Variants in APBA2 observed in about 807,000 individuals in gnomAD.
APBA2 encodes amyloid beta precursor protein binding family A member 2.
In APBA2, 30 loss-of-function variants were observed where a neutral mutation model predicts 75.0. The ratio of observed to expected loss-of-function variants is 0.40; its 90% CI spans 0.30 to 0.54. The LOEUF (loss-of-function observed/expected upper bound fraction) is 0.54. Among genes scored for constraint, APBA2 ranks in the 20% least tolerant of loss-of-function variants. APBA2 has a pLI of 0.49. For missense variants in APBA2, 801 were observed against 1,016.1 expected (o/e 0.79, Z 2.88); for synonymous variants, 444 against 409.6 (o/e 1.08, Z -1.01).
At chr15:28,945,460 G>T (rs1281607180) in intron 2 of APBA2, among the ~76,000 whole-genome samples, 1 of 151,868 alleles carries the variant, frequency 6.6e-6, no homozygotes, top group African/African-American at 2.4e-5. Flanking sequence ...GAGAAGTGCA[G>T]TTTTGTGTGT....
chr15:28,996,181 T>C (rs1205194760), intron 3 of APBA2, among the ~76,000 whole-genome samples: 3 of 152,206 alleles, frequency 2.0e-5, no homozygotes, highest in Non-Finnish European at 4.4e-5. Flanking sequence ...CCTAGGTTCC[T>C]AGTTACAGCG....
chr15:28,973,026 C>T (rs1181974845), intron 2 of APBA2, among the ~76,000 whole-genome samples: 1 of 152,158 alleles, frequency 6.6e-6, no homozygotes, highest in Non-Finnish European at 1.5e-5. Flanking sequence ...GGAGAACTCC[C>T]AAGTATACGA....
At chr15:28,896,333 G>A (rs1176298894) in intron 1 of APBA2, among the ~76,000 whole-genome samples, 4 of 152,188 alleles carry the variant, frequency 2.6e-5, no homozygotes, top group Non-Finnish European at 5.9e-5. Context: ...AGACTGGAGT[G>A]CAGTGGCACG....
In APBA2 at chr15:29,026,534, C is replaced by A. The variant is rs2040230408; in HGVS notation, c.-40-27311C>A. On this transcript the variant is annotated intron_variant, in intron 3 of 14. Coordinates refer to ENST00000683413, the MANE Select transcript of APBA2 (RefSeq NM_001353788.2). ...TTGGTGGTTTCACAATTCTCTCATACTGTTTTCATTTATTAGCTGTTATTC... is the reference window on the plus strand; with the variant it reads ...TTGGTGGTTTCACAATTCTCTCATAATGTTTTCATTTATTAGCTGTTATTC... Among the ~76,000 whole-genome samples the A allele has an allele frequency of 1.3e-5, 2 of 152,178 alleles. 1 individual carries two copies. The highest frequency in any genetic ancestry group is 4.8e-5 in the African/African-American group (2 of 41,426).
At chr15:28,898,930 A>G (rs892703091) in intron 1 of APBA2, among the ~76,000 whole-genome samples, 1 of 152,250 alleles carries the variant, frequency 6.6e-6, no homozygotes, top group African/African-American at 2.4e-5. Context: ...GCTAAGATGT[A>G]TATAGATTTA....
chr15:29,036,927 G>A (rs910323796), intron 3 of APBA2, among the ~76,000 whole-genome samples: 3 of 152,000 alleles, frequency 2.0e-5, no homozygotes, highest in Non-Finnish European at 2.9e-5. Context: ...GGCTAAGGTA[G>A]GAGGATTGCT....
At position 29,117,453 on chromosome 15, in the gene APBA2, C is replaced by T; in HGVS notation, c.*320C>T. 2 of 425,432 alleles carry T rather than the reference C, an allele frequency of 4.7e-6. No homozygotes were observed. The highest frequency in any genetic ancestry group is 8.7e-6 in the Non-Finnish European group (2 of 229,154). The allele number at this position is 425,432 out of a possible 1,614,324, so 26.4% of individuals were successfully genotyped here. ...GCGTGGTGTGGAGTGTGTGTCTTTC[C>T]TCCCTGAAGCTGTGCGGAGCGAACT... On this transcript the variant is annotated 3_prime_UTR_variant, in exon 15 of 15. Coordinates refer to ENST00000683413, the MANE Select transcript of APBA2 (RefSeq NM_001353788.2).
chr15:29,070,053 C>G (rs937197310), intron 4 of APBA2, among the ~76,000 whole-genome samples: 1 of 152,160 alleles, frequency 6.6e-6, no homozygotes, highest in Non-Finnish European at 1.5e-5. Context: ...AGCCTGTCTG[C>G]CCCCTAGAGC....
At chr15:28,971,084 A>G (rs1214889984) in intron 2 of APBA2, among the ~76,000 whole-genome samples, 2 of 152,150 alleles carry the variant, frequency 1.3e-5, no homozygotes, top group African/African-American at 4.8e-5. Flanking sequence ...TGCGTTTTCT[A>G]TTTTCATTTC....
intron 2 of APBA2, among the ~76,000 whole-genome samples, chr15:28,947,669 C>T (rs913424867): frequency 1.3e-5 from 2 of 152,108 alleles, no homozygotes; most frequent in East Asian, 3.9e-4. Flanking sequence ...TCCTGGGAAC[C>T]AGAGCTCCTT....
intron 4 of APBA2, among the ~76,000 whole-genome samples, chr15:29,063,755 C>T (rs1388768346): frequency 1.6e-5 from 2 of 123,770 alleles, no homozygotes; most frequent in Non-Finnish European, 3.3e-5. Context: ...GGAAGCTCAT[C>T]GGGTCTGGGG....
intron 1 of APBA2, among the ~76,000 whole-genome samples, chr15:28,889,216 C>G (rs1403511036): frequency 6.6e-6 from 1 of 152,170 alleles, no homozygotes; most frequent in Admixed American, 6.5e-5. Context: ...TCTCGCCTCC[C>G]CTGAAGCCAA....
intron 11 of APBA2, 89 bp from the exon 12 acceptor site, chr15:29,106,518 G>C: frequency 7.0e-7 from 1 of 1,423,462 alleles, no homozygotes; most frequent in East Asian, 2.3e-5. Flanking sequence ...GATGTGCCAG[G>C]ACAGGGTCAG....
At chr15:28,946,981 C>G (rs532436470) in intron 2 of APBA2, among the ~76,000 whole-genome samples, 1 of 152,340 alleles carries the variant, frequency 6.6e-6, no homozygotes, top group South Asian at 2.1e-4. Context: ...AGGAAGCTAA[C>G]ACAGAGACTC....
At chr15:29,044,772 G>A (rs1185673183) in intron 3 of APBA2, among the ~76,000 whole-genome samples, 3 of 152,246 alleles carry the variant, frequency 2.0e-5, no homozygotes, top group Non-Finnish European at 2.9e-5. Flanking sequence ...AGGACATAAT[G>A]TGGGTTCAGC....
At chr15:28,998,072 A>G (rs1209908905) in intron 3 of APBA2, among the ~76,000 whole-genome samples, 1 of 152,188 alleles carries the variant, frequency 6.6e-6, no homozygotes, top group African/African-American at 2.4e-5. Context: ...TTCTGCTGCG[A>G]ATGGAATCAT....
chr15:29,041,484 GAA>G (rs56701766), intron 3 of APBA2, among the ~76,000 whole-genome samples: 8 of 60,194 alleles, frequency 1.3e-4, no homozygotes, highest in Admixed American at 1.8e-4. Flanking sequence ...CCCTGTCTCA[GAA>G]AAAAAAAAAA....
At chr15:29,061,020 G>A (rs2042108581) in intron 4 of APBA2, among the ~76,000 whole-genome samples, 1 of 152,140 alleles carries the variant, frequency 6.6e-6, no homozygotes, top group Admixed American at 6.5e-5. Context: ...CCCTTGAAGA[G>A]AGTAGTTTGC....
At chr15:28,902,425 T>C (rs1232742789) in intron 1 of APBA2, among the ~76,000 whole-genome samples, 1 of 152,278 alleles carries the variant, frequency 6.6e-6, no homozygotes, top group East Asian at 1.9e-4. Flanking sequence ...TCTGAGATGC[T>C]GTCACAGCCA....
Sources: allele counts gnomAD v4.1 joint callset (sites outside exome capture counted in the v4.1 genomes callset), GRCh38; gene constraint gnomAD v4.1.1; transcripts MANE v1.5; gene names NCBI Gene and HGNC (gene_info 2026-07-23, HGNC 2026-07-21).